Variants in THSD7A observed in about 807,000 individuals in gnomAD.
The protein encoded by THSD7A is thrombospondin type 1 domain containing 7A.
THSD7A carries 96 observed loss-of-function variants against 231.3 expected under a neutral mutation model. The observed-to-expected ratio is 0.41, with a 90% CI of 0.35 to 0.49. THSD7A has a LOEUF of 0.49. Ranked by LOEUF, THSD7A falls within the 20% of genes least tolerant of loss-of-function variation. The pLI, the probability that THSD7A is intolerant of heterozygous loss-of-function variation, is 0.05. For synonymous variants in THSD7A, 940 were observed against 743.3 expected, an observed-to-expected ratio of 1.26 and a Z score of -4.30; for missense variants, 2,290 against 2,070.2, an observed-to-expected ratio of 1.11 and a Z score of -2.06.
chr7:11,657,374 G>A (rs1289463693), intron 1 of THSD7A, among the ~76,000 whole-genome samples: 1 of 151,766 alleles, frequency 6.6e-6, no homozygotes, highest in Non-Finnish European at 1.5e-5. Flanking sequence ...AACAAAAACA[G>A]CAAGTACGGG....
chr7:11,819,435 G>C (rs1398746618), intron 1 of THSD7A, among the ~76,000 whole-genome samples: 3 of 152,148 alleles, frequency 2.0e-5, no homozygotes, highest in African/African-American at 7.2e-5. Flanking sequence ...ATAGGTAAGT[G>C]AATAAACAAA....
chr7:11,676,519 G>T (rs773953661), intron 1 of THSD7A, among the ~76,000 whole-genome samples: 2 of 152,110 alleles, frequency 1.3e-5, no homozygotes, highest in African/African-American at 2.4e-5. Flanking sequence ...TAAGAACCTT[G>T]ATAAAAGATG....
intron 4 of THSD7A, among the ~76,000 whole-genome samples, chr7:11,576,800 A>G (rs1790928267): frequency 6.6e-6 from 1 of 152,074 alleles, no homozygotes; most frequent in Non-Finnish European, 1.5e-5. Flanking sequence ...TTTCCCTTCA[A>G]TTTTCTTTTA....
At chr7:11,656,638 C>G (rs1782719402) in intron 1 of THSD7A, among the ~76,000 whole-genome samples, 1 of 151,872 alleles carries the variant, frequency 6.6e-6, no homozygotes, top group Admixed American at 6.6e-5. Flanking sequence ...TCATTCATAA[C>G]AATATCTGGT....
intron 6 of THSD7A, among the ~76,000 whole-genome samples, chr7:11,510,780 T>A (rs910008818): frequency 2.6e-5 from 4 of 152,010 alleles, no homozygotes; most frequent in African/African-American, 9.7e-5. Context: ...TATCTCAAAA[T>A]AATAAGAGCT....
At chr7:11,641,303 C>A (rs990956471) in intron 1 of THSD7A, among the ~76,000 whole-genome samples, 1 of 152,038 alleles carries the variant, frequency 6.6e-6, no homozygotes, top group African/African-American at 2.4e-5. Flanking sequence ...CAATGGCTTA[C>A]TTTTGGATAA....
At chr7:11,418,745 C>A (rs1209495487) in intron 16 of THSD7A, among the ~76,000 whole-genome samples, 3 of 152,068 alleles carry the variant, frequency 2.0e-5, no homozygotes, top group Non-Finnish European at 2.9e-5. Context: ...CATTCAAACA[C>A]TGGAAAACTG....
intron 23 of THSD7A, among the ~76,000 whole-genome samples, chr7:11,394,321 T>C (rs904329597): frequency 6.6e-6 from 1 of 152,152 alleles, no homozygotes; most frequent in African/African-American, 2.4e-5. Flanking sequence ...CTGAGAGATT[T>C]TGTCACCAGC....
intron 4 of THSD7A, among the ~76,000 whole-genome samples, chr7:11,577,869 C>A (rs1790987499): frequency 6.6e-6 from 1 of 152,050 alleles, no homozygotes; most frequent in Non-Finnish European, 1.5e-5. Flanking sequence ...TGGACTACTA[C>A]TTAAAATTCG....
At chr7:11,451,385 G>A (rs917257985) in intron 11 of THSD7A, among the ~76,000 whole-genome samples, 1 of 151,916 alleles carries the variant, frequency 6.6e-6, no homozygotes, top group Non-Finnish European at 1.5e-5. Context: ...AAGTATTTAT[G>A]GATGATATAT....
intron 1 of THSD7A, among the ~76,000 whole-genome samples, chr7:11,708,095 C>A (rs1405324): frequency 6.6e-6 from 1 of 150,484 alleles, no homozygotes; most frequent in Non-Finnish European, 1.5e-5. Context: ...CCTACTCATG[C>A]GTTATTAATC....
At chr7:11,450,272 T>A (rs1785102411) in intron 11 of THSD7A, among the ~76,000 whole-genome samples, 1 of 152,000 alleles carries the variant, frequency 6.6e-6, no homozygotes, top group African/African-American at 2.4e-5. Context: ...GAATCCCTTT[T>A]CCCCATATAC....
At chr7:11,608,649 G>T (rs527431573) in intron 2 of THSD7A, among the ~76,000 whole-genome samples, 2 of 152,188 alleles carry the variant, frequency 1.3e-5, no homozygotes, top group East Asian at 1.9e-4. Context: ...AAAAAGCAAT[G>T]CAGTTATCAT....
intron 1 of THSD7A, among the ~76,000 whole-genome samples, chr7:11,745,488 C>T (rs1782265726): frequency 6.6e-6 from 1 of 151,960 alleles, no homozygotes; most frequent in South Asian, 2.1e-4. Flanking sequence ...GTTGCCCTTG[C>T]TTTTTGTGTT....
chr7:11,736,948 T>C (rs1234403660), intron 1 of THSD7A, among the ~76,000 whole-genome samples: 3 of 151,992 alleles, frequency 2.0e-5, no homozygotes, highest in Non-Finnish European at 4.4e-5. Flanking sequence ...CGAGATATGA[T>C]TTTTTATAAA....
At chr7:11,439,453 T>TATA (rs1473962903) in intron 13 of THSD7A, among the ~76,000 whole-genome samples, 2 of 152,042 alleles carry the variant, frequency 1.3e-5, no homozygotes, top group East Asian at 3.9e-4. Flanking sequence ...TCATTATTAT[T>TATA]ATATCTGTTA....
Position 11,636,909 on chromosome 7 carries a change from C to T in THSD7A, c.243G>A (p.Thr81=), listed in dbSNP as rs1781885350. 2 of 1,613,438 alleles carry T rather than the reference C, an allele frequency of 1.2e-6. No individual in the cohort carries two copies. Among genetic ancestry groups the T allele is most frequent in the Non-Finnish European group, 1.7e-6 (2 of 1,179,878 alleles). ...CCACATGAGCACACCACACAGCCCT[C>T]GTTTGGATGCCTCCGGGACCACATT... is the stretch of plus-strand genomic sequence containing the variant. ...GDECGPGGIQ[T]RAVWCAHVEG... The change falls in exon 2 of 28, where the codon ACG becomes ACA. Residue 81 remains threonine (T), a synonymous_variant. Coordinates refer to ENST00000423059, the MANE Select transcript of THSD7A (RefSeq NM_015204.3). The surrounding 1 kb of genome is among the most constrained non-coding windows in gnomAD (Gnocchi z 10.0).
At chr7:11,612,428 T>G (rs1414849596) in intron 2 of THSD7A, among the ~76,000 whole-genome samples, 1 of 152,204 alleles carries the variant, frequency 6.6e-6, no homozygotes, top group Non-Finnish European at 1.5e-5. Context: ...CCTTTCTCAG[T>G]GTTTTGCCTC....
intron 1 of THSD7A, among the ~76,000 whole-genome samples, chr7:11,653,068 A>G (rs750668391): frequency 2.0e-5 from 3 of 151,934 alleles, no homozygotes; most frequent in Admixed American, 6.6e-5. Flanking sequence ...TACTTATTCT[A>G]TAGAAGACAC....
Sources: allele counts gnomAD v4.1 joint callset (sites outside exome capture counted in the v4.1 genomes callset), GRCh38; gene constraint gnomAD v4.1.1; non-coding constraint Gnocchi (gnomAD v3.1); transcripts MANE v1.5; gene names NCBI Gene and HGNC (gene_info 2026-07-23, HGNC 2026-07-21).